PTPN12: variants seen among roughly 807,000 people sequenced by gnomAD.
The protein encoded by PTPN12 is protein tyrosine phosphatase non-receptor type 12.
PTPN12 carries 29 observed loss-of-function variants against 97.6 expected under a neutral mutation model. The observed-to-expected ratio is 0.30, with a 90% CI of 0.22 to 0.41. The LOEUF (loss-of-function observed/expected upper bound fraction) is 0.41, where lower values mean the gene tolerates loss of function less well. Ranked by LOEUF, PTPN12 falls within the 10% of genes least tolerant of loss-of-function variation. The probability of loss-of-function intolerance (pLI) is 1.00; values close to 1 mark genes in which losing one functional copy is unlikely to be tolerated. For synonymous variants in PTPN12, 327 were observed against 300.4 expected, an observed-to-expected ratio of 1.09 and a Z score of -0.91; for missense variants, 819 against 926.0, an observed-to-expected ratio of 0.88 and a Z score of 1.50.
chr7:77,592,176 G>C lies in PTPN12; in HGVS notation c.421-9G>C. The C allele has an allele frequency of 6.4e-7, 1 of 1,560,776 alleles. No homozygotes were observed. The highest frequency in any genetic ancestry group is 2.3e-5 in the East Asian group (1 of 44,180). ...GAATTACTTACTAATTTTTTTTTTT[G>C]GATGACAGAAAAAATGTGAGCGCTA... On this transcript the variant is annotated splice_polypyrimidine_tract_variant and intron_variant, in intron 5 of 17. Coordinates refer to ENST00000248594, the MANE Select transcript of PTPN12 (RefSeq NM_002835.4).
At chr7:77,638,924 C>A in intron 17 of PTPN12, 193 bp downstream of exon 17, 1 of 988,836 alleles carries the variant, frequency 1.0e-6, no homozygotes, top group East Asian at 3.0e-5. Flanking sequence ...TAGAAAACTG[C>A]AGTATAAAAA....
At chr7:77,563,148 G>A (rs1446773787) in intron 1 of PTPN12, among the ~76,000 whole-genome samples, 4 of 152,140 alleles carry the variant, frequency 2.6e-5, no homozygotes, top group Non-Finnish European at 4.4e-5. Flanking sequence ...GATCTCCTTC[G>A]CTAGTAATTG....
chr7:77,564,472 A>G (rs1170325853), intron 1 of PTPN12, among the ~76,000 whole-genome samples: 1 of 152,110 alleles, frequency 6.6e-6, no homozygotes, highest in Non-Finnish European at 1.5e-5. Context: ...AATGTGAACT[A>G]TGTCCCAAAC....
intron 11 of PTPN12, among the ~76,000 whole-genome samples, 182 bp from the exon 12 acceptor site, chr7:77,618,298 T>A (rs1482755043): frequency 6.6e-6 from 1 of 151,980 alleles, no homozygotes; most frequent in Non-Finnish European, 1.5e-5. Context: ...TGATACAATC[T>A]CTCCATTGAA....
chr7:77,588,460 CAG>C (rs1388880912), intron 5 of PTPN12, among the ~76,000 whole-genome samples: 1 of 152,184 alleles, frequency 6.6e-6, no homozygotes, highest in African/African-American at 2.4e-5. Context: ...CACCCCAAAA[CAG>C]AGTAGTAACT....
At chr7:77,631,648 A>C (rs866310386) in intron 13 of PTPN12, among the ~76,000 whole-genome samples, 1 of 152,202 alleles carries the variant, frequency 6.6e-6, no homozygotes, top group African/African-American at 2.4e-5. Context: ...TCTCTTTCCC[A>C]AGAGCTAATT....
At chr7:77,610,383 C>A (rs1788530285) in intron 9 of PTPN12, among the ~76,000 whole-genome samples, 1 of 152,210 alleles carries the variant, frequency 6.6e-6, no homozygotes, top group African/African-American at 2.4e-5. Flanking sequence ...TTACATCAAA[C>A]TTCTCAATTC....
intron 2 of PTPN12, among the ~76,000 whole-genome samples, chr7:77,574,686 G>C (rs1787281552): frequency 6.6e-6 from 1 of 152,176 alleles, no homozygotes; most frequent in Non-Finnish European, 1.5e-5. Flanking sequence ...CAAAATATAT[G>C]AGTGTCAGCG....
At chr7:77,594,351 T>TGG (rs1223315993) in intron 6 of PTPN12, among the ~76,000 whole-genome samples, 1 of 152,158 alleles carries the variant, frequency 6.6e-6, no homozygotes, top group Non-Finnish European at 1.5e-5. Context: ...GCTTGAATAA[T>TGG]ACCCAATACA....
intron 14 of PTPN12, among the ~76,000 whole-genome samples, chr7:77,634,634 A>G (rs1314502397): frequency 1.3e-5 from 2 of 151,686 alleles, no homozygotes; most frequent in African/African-American, 4.8e-5. Context: ...TAGTAGAGAC[A>G]GGGTTTCACC....
chr7:77,577,449 T>G (rs1381614622), intron 2 of PTPN12, among the ~76,000 whole-genome samples: 1 of 152,150 alleles, frequency 6.6e-6, no homozygotes, highest in Non-Finnish European at 1.5e-5. Flanking sequence ...ATGCCCTATT[T>G]TTTTTTTCTT....
chr7:77,615,684 A>G (rs1468927019), intron 11 of PTPN12, among the ~76,000 whole-genome samples: 1 of 152,200 alleles, frequency 6.6e-6, no homozygotes, highest in Non-Finnish European at 1.5e-5. Flanking sequence ...CCAGGAGTTC[A>G]AGGCTGCAGA....
intron 1 of PTPN12, among the ~76,000 whole-genome samples, chr7:77,556,187 A>G (rs982409082): frequency 4.6e-5 from 7 of 152,032 alleles, no homozygotes; most frequent in African/African-American, 1.7e-4. Context: ...CAGCCTCCCC[A>G]GTAGCTGGGA....
intron 1 of PTPN12, among the ~76,000 whole-genome samples, chr7:77,556,282 C>T (rs550064569): frequency 6.6e-6 from 1 of 152,056 alleles, no homozygotes; most frequent in Admixed American, 6.5e-5. Context: ...AGGCTGGTCT[C>T]GAACTCCTGG....
At chr7:77,629,185 G>T (rs1446147890) in intron 13 of PTPN12, among the ~76,000 whole-genome samples, 5 of 152,086 alleles carry the variant, frequency 3.3e-5, no homozygotes, top group Non-Finnish European at 7.4e-5. Flanking sequence ...TCCTGACCTC[G>T]TGATCCGCCC....
chr7:77,561,898 T>C (rs900089883), intron 1 of PTPN12, among the ~76,000 whole-genome samples: 3 of 151,718 alleles, frequency 2.0e-5, no homozygotes, highest in African/African-American at 7.3e-5. Context: ...TTCATGCCAT[T>C]CTCCTGCCTC....
At chr7:77,635,462 G>A (rs1176950778) in intron 14 of PTPN12, among the ~76,000 whole-genome samples, 1 of 152,160 alleles carries the variant, frequency 6.6e-6, no homozygotes, top group Non-Finnish European at 1.5e-5. Flanking sequence ...GTATACTTCA[G>A]TTGTCTAAGT....
intron 1 of PTPN12, among the ~76,000 whole-genome samples, chr7:77,560,437 A>G (rs1807945445): frequency 2.6e-5 from 4 of 152,190 alleles, no homozygotes; most frequent in Admixed American, 2.0e-4. Flanking sequence ...TTAAATGTAC[A>G]GTTCAATAGC....
intron 2 of PTPN12, 136 bp downstream of exon 2, chr7:77,571,322 A>C: frequency 1.7e-6 from 1 of 579,684 alleles, no homozygotes; most frequent in Non-Finnish European, 3.0e-6. Flanking sequence ...ATGGAAAGAT[A>C]ATAATTCATA....
Sources: gnomAD v4.1 joint callset for allele counts (sites outside exome capture counted in the v4.1 genomes callset) on GRCh38, gnomAD v4.1.1 for gene constraint, MANE v1.5 for transcripts, NCBI Gene and HGNC (gene_info 2026-07-23, HGNC 2026-07-21) for gene names.